PLEC: variants seen among roughly 807,000 people sequenced by gnomAD.
PLEC encodes the protein plectin.
PLEC carries 216 observed loss-of-function variants against 392.8 expected under a neutral mutation model. That is an observed-to-expected ratio of 0.55 (90% confidence interval 0.49 to 0.62). The LOEUF is 0.62. Ranked by LOEUF, PLEC falls within the 20% of genes least tolerant of loss-of-function variation. PLEC has a pLI of 0.00. For missense variants in PLEC, 6,863 were observed against 6,563.4 expected (o/e 1.05, Z -1.58); for synonymous variants, 3,621 against 2,980.6 (o/e 1.21, Z -7.00).
intron 1 of PLEC, among the ~76,000 whole-genome samples, chr8:143,970,464 C>CT (rs1252395863): frequency 6.6e-6 from 1 of 152,114 alleles, no homozygotes; most frequent in African/African-American, 2.4e-5. Context: ...CTGAGATTTC[C>CT]TCTGGAGCCA....
rs1456125472 is a variant in PLEC at position 143,936,008 on chromosome 8, C to A, written c.442G>T (p.Asp148Tyr). Residue 148 changes from aspartate (D) to tyrosine (Y), a missense_variant, in exon 6 of 32, where the codon GAT (aspartate) becomes TAT (tyrosine). Coordinates refer to ENST00000345136, the MANE Select transcript of PLEC (RefSeq NM_201384.3). ...TCCGACTGCCCACTCACCTGGATATCTGAGATCTGCTCACAGCAGAGAGGA... is the reference window on the plus strand; with the variant it reads ...TCCGACTGCCCACTCACCTGGATATATGAGATCTGCTCACAGCAGAGAGGA... The part of the protein sequence containing the change: ...WTIILHFQIS[D>Y]IQVSGQSEDM... 6.2e-7 allele frequency: 1 copy of A among 1,611,778 alleles called. No individual in the cohort carries two copies. Among genetic ancestry groups the A allele is most frequent in the Non-Finnish European group, 8.5e-7 (1 of 1,179,942 alleles).
At chr8:143,944,549 G>A (rs542489190), upstream of PLEC, 424 of 665,914 alleles carry the variant, frequency 6.4e-4, 1 homozygote, top group African/African-American at 7.3e-3. Flanking sequence ...CAGGGCGAGG[G>A]ACAGCGCCCC....
rs1829988646 is a variant in PLEC, at chr8:143,939,451, T to C, written c.11A>G (p.His4Arg). 6 of 1,610,970 alleles carry C rather than the reference T, an allele frequency of 3.7e-6. No individual in the cohort carries two copies. The Admixed American group carries it at 1.0e-4, about 27-fold the overall frequency. ...CTCGGGCTGCGGCACGCGGAGCTGG[T>C]GCTGAGACATGCTGCCCCCACACCT... The part of the protein sequence containing the change: MSQ[H>R]QLRVPQPEGL... The change falls in exon 1 of 32, where the codon CAC (histidine) becomes CGC (arginine). Residue 4 changes from histidine (H) to arginine (R), a missense_variant. Coordinates refer to ENST00000345136, the MANE Select transcript of PLEC (RefSeq NM_201384.3).
upstream of PLEC, among the ~76,000 whole-genome samples, chr8:143,941,765 G>A (rs1254854867): frequency 7.2e-6 from 1 of 139,780 alleles, no homozygotes; most frequent in African/African-American, 2.6e-5. Context: ...ACCCTCTACA[G>A]CTGCAGCTCA....
intron 19 of PLEC, among the ~76,000 whole-genome samples, chr8:143,930,891 G>T (rs1407455547): frequency 6.6e-6 from 1 of 152,140 alleles, no homozygotes; most frequent in Non-Finnish European, 1.5e-5. Context: ...CCAGGCCGCA[G>T]GACGGCACAC....
In PLEC at chr8:143,920,521, C is replaced by T. The variant is rs1304950049; in HGVS notation, c.9300G>A (p.Lys3100=). Residue 3100 remains lysine, a synonymous_variant, in exon 32 of 32, where the codon AAG becomes AAA. Coordinates refer to ENST00000345136, the MANE Select transcript of PLEC (RefSeq NM_201384.3). ...EFHEKLLSAE[K]AVTGYRDPYT... ...AGGGGTCCCTGTACCCTGTCACAGC[C>T]TTCTCGGCTGATAGCAGCTTCTCAT... The T allele has an allele frequency of 1.2e-6, 2 of 1,611,210 alleles. No individual in the cohort carries two copies. Among genetic ancestry groups the T allele is most frequent in the Non-Finnish European group, 1.7e-6 (2 of 1,179,514 alleles).
upstream of PLEC, chr8:143,950,877 C>T: frequency 7.3e-7 from 1 of 1,362,400 alleles, no homozygotes; most frequent in Non-Finnish European, 9.7e-7. Flanking sequence ...GCGCGGGCTC[C>T]CGGCTGTGTG....
upstream of PLEC, among the ~76,000 whole-genome samples, chr8:143,944,134 G>C (rs960869432): frequency 1.3e-5 from 2 of 152,078 alleles, no homozygotes; most frequent in African/African-American, 4.8e-5. Context: ...CACCCGGCCG[G>C]CTCAGCTGTC....
chr8:143,955,859 T>G (rs1181874591), upstream of PLEC, among the ~76,000 whole-genome samples: 1 of 152,012 alleles, frequency 6.6e-6, no homozygotes, highest in African/African-American at 2.4e-5. Context: ...CTCCCAGTGC[T>G]GGAATTACAA....
At position 143,924,155 on chromosome 8, in the gene PLEC, T is replaced by A; in HGVS notation, c.5774A>T (p.Glu1925Val). Residue 1925 changes from glutamate (E) to valine (V), a missense_variant, in exon 31 of 32, where the codon GAG (glutamate) becomes GTG (valine). Transcript: ENST00000345136. ...DTLRQRRQVEEEILALKASFE... is the reference protein window; with the variant it reads ...DTLRQRRQVEVEILALKASFE... ...GCTCGCCTTCAGCGCCAGGATCTCC[T>A]CCTCCACCTGCCGCCGCTGCCTCAG... 1 of 1,598,910 alleles carries A rather than the reference T, an allele frequency of 6.3e-7. No homozygotes were observed.
Position 143,923,950 on chromosome 8 carries a change from G to A in PLEC, c.5979C>T (p.Ser1993=), listed in dbSNP as rs782184163. The A allele has an allele frequency of 1.3e-6, 2 of 1,593,402 alleles. No individual in the cohort carries two copies. The highest frequency in any genetic ancestry group is 1.1e-5 in the South Asian group (1 of 90,438). The change falls in exon 31 of 32, where the codon AGC becomes AGT. Residue 1993 remains serine, a synonymous_variant. Transcript: ENST00000345136. ...GTGCGGCCTCCTCCTCGGCCGCCAG[G>A]CTCTTCTGCACGCGCTCCTCAGCCT... ...RREAEERVQK[S]LAAEEEAARQ...
chr8:143,970,225 G>A (rs923578822), intron 1 of PLEC, among the ~76,000 whole-genome samples: 3 of 152,030 alleles, frequency 2.0e-5, no homozygotes, highest in Non-Finnish European at 4.4e-5. Flanking sequence ...CTGGCAGAGG[G>A]CAGGCTGGAG....
At chr8:143,946,906 C>T (rs903456078) in intron 1 of PLEC, among the ~76,000 whole-genome samples, 1 of 152,058 alleles carries the variant, frequency 6.6e-6, no homozygotes, top group Admixed American at 6.6e-5. Context: ...CACCTGAGTC[C>T]TCCCCAACCA....
In PLEC at chr8:143,918,777, C is replaced by A; in HGVS notation, c.11044G>T (p.Ala3682Ser). ...CCCGTGCCATAGAGGTAGCACCAGG[C>A]GGACTCCGCCTCGAGAGCCTCACGG... ...SLREALEAES[A>S]WCYLYGTGSV... Residue 3682 changes from alanine to serine, a missense_variant, in exon 32 of 32, where the codon GCC becomes TCC. Physicochemically the swap from Ala to Ser is moderately conservative, Grantham distance 99 (BLOSUM62 1). Transcript: ENST00000345136. 1 of 1,613,062 alleles carries A rather than the reference C, an allele frequency of 6.2e-7. No individual in the cohort carries two copies. Among genetic ancestry groups the A allele is most frequent in the African/African-American group, 1.3e-5 (1 of 75,058 alleles).
chr8:143,931,706 C>T (rs991617091), intron 18 of PLEC, 47 bp from the exon 19 acceptor site: 1 of 1,577,408 alleles, frequency 6.3e-7, no homozygotes, highest in Middle Eastern at 1.8e-4. Flanking sequence ...GGACCAGAGC[C>T]CCAGCCCACA....
Position 143,948,717 on chromosome 8 carries a change from C to G in PLEC, c.523+1467G>C, listed in dbSNP as rs574083918. On this transcript the variant is annotated intron_variant, in intron 1 of 31. Transcript: ENST00000322810. ...CACACCCAGCACACCCCACTCTTGGCCCTGCCGCCAGCTGCCCGCCCTGCA... is the reference window on the plus strand; with the variant it reads ...CACACCCAGCACACCCCACTCTTGGGCCTGCCGCCAGCTGCCCGCCCTGCA... 2.3e-4 allele frequency among the ~76,000 whole-genome samples: 35 copies of G among 152,384 alleles called. 1 individual carries two copies. Among genetic ancestry groups the G allele is most frequent in the Non-Finnish European group, 3.8e-4 (26 of 68,042 alleles).
upstream of PLEC, chr8:143,944,572 T>C (rs1301795113): frequency 1.1e-6 from 1 of 938,756 alleles, no homozygotes; most frequent in East Asian, 3.3e-5. Flanking sequence ...GCCTCCAGCC[T>C]CAGCCCCAGC....
At chr8:143,954,471 C>T (rs577548937), upstream of PLEC, among the ~76,000 whole-genome samples, 1 of 152,216 alleles carries the variant, frequency 6.6e-6, no homozygotes, top group African/African-American at 2.4e-5. This position sits in a 1 kb window ranked among gnomAD's most constrained non-coding sequence, Gnocchi z 4.6. Flanking sequence ...CCCCACAGGT[C>T]CTCCTGGCTG....
chr8:143,936,247 C>T (rs544961536), intron 5 of PLEC, among the ~76,000 whole-genome samples: 2 of 152,308 alleles, frequency 1.3e-5, no homozygotes, highest in East Asian at 3.9e-4. Context: ...GCAGCTGCCA[C>T]CACGCAGCTC....
Sources: allele counts gnomAD v4.1 joint callset (sites outside exome capture counted in the v4.1 genomes callset), GRCh38; gene constraint gnomAD v4.1.1; non-coding constraint Gnocchi (gnomAD v3.1); transcripts MANE v1.5; gene names NCBI Gene and HGNC (gene_info 2026-07-23, HGNC 2026-07-21).